The following CFAP97D2 variants were observed in gnomAD, a reference collection of about 807,000 sequenced individuals.
The protein encoded by CFAP97D2 is uncharacterized protein CFAP97D2.
rs1026211504 is a variant in CFAP97D2, at chr13:114,207,601, G to A, written c.291-4311G>A. On this transcript the variant is annotated intron_variant, in intron 3 of 4. Transcript: ENST00000646158. This position sits in a 1 kb window ranked among gnomAD's most constrained non-coding sequence, Gnocchi z 4.9. ...AGGTGGAGCTCAGGCAGTAATGCCA[G>A]CAATGGGGAGTGGCTGTGAATACAG... Among the ~76,000 whole-genome samples the A allele has an allele frequency of 6.6e-6, 1 of 152,240 alleles. No homozygotes were observed. The highest frequency in any genetic ancestry group is 2.4e-5 in the African/African-American group (1 of 41,456).
intron 4 of CFAP97D2, among the ~76,000 whole-genome samples, chr13:114,217,067 C>T (rs2080997131): frequency 6.6e-6 from 1 of 152,138 alleles, no homozygotes; most frequent in Non-Finnish European, 1.5e-5. Flanking sequence ...TTTCATGTGT[C>T]TGTTGGCTGC....
At chr13:114,190,541 T>C (rs1207733365) in intron 1 of CFAP97D2, among the ~76,000 whole-genome samples, 6 of 152,194 alleles carry the variant, frequency 3.9e-5, no homozygotes. Context: ...ATAACAATTA[T>C]ATTAGCACCC....
intron 3 of CFAP97D2, among the ~76,000 whole-genome samples, chr13:114,202,913 A>G (rs1236829202): frequency 6.6e-6 from 1 of 152,180 alleles, no homozygotes; most frequent in Non-Finnish European, 1.5e-5. Context: ...ACAGTGGAGC[A>G]CAGAGCCTGG....
chr13:114,181,887 C>A (rs940791195), intron 1 of CFAP97D2, among the ~76,000 whole-genome samples: 2 of 150,478 alleles, frequency 1.3e-5, no homozygotes, highest in Admixed American at 6.6e-5. Flanking sequence ...ACGCACCTGA[C>A]CCCTCAGCCA....
intron 4 of CFAP97D2, chr13:114,214,160 T>A (rs1340414083): frequency 3.3e-5 from 5 of 152,368 alleles, no homozygotes; most frequent in African/African-American, 1.2e-4. Context: ...CCCTGCAGTT[T>A]CCACAGGTAT....
chr13:114,216,537 G>A (rs535097507), intron 4 of CFAP97D2, among the ~76,000 whole-genome samples: 17 of 152,104 alleles, frequency 1.1e-4, no homozygotes, highest in Non-Finnish European at 1.8e-4. Context: ...AAGAACATGC[G>A]GTGTTTGGTT....
intron 4 of CFAP97D2, among the ~76,000 whole-genome samples, chr13:114,216,454 C>T (rs559636235): frequency 7.9e-5 from 12 of 152,100 alleles, no homozygotes; most frequent in Admixed American, 1.3e-4. Context: ...CCCCACCCCA[C>T]GACAGGCCCC....
At chr13:114,202,296 C>T (rs1276963702) in intron 3 of CFAP97D2, among the ~76,000 whole-genome samples, 2 of 152,154 alleles carry the variant, frequency 1.3e-5, no homozygotes, top group Non-Finnish European at 2.9e-5. Context: ...AATACCTCTG[C>T]CCAAGACTGA....
At chr13:114,216,168 T>C (rs1226150864) in intron 4 of CFAP97D2, among the ~76,000 whole-genome samples, 2 of 152,142 alleles carry the variant, frequency 1.3e-5, no homozygotes, top group Non-Finnish European at 2.9e-5. Flanking sequence ...CCCACAGGTG[T>C]GCTTCTCCCA....
At position 114,198,519 on chromosome 13, in the gene CFAP97D2, C is replaced by G. The variant is rs187201967; in HGVS notation, c.172-1806C>G. Among the ~76,000 whole-genome samples, 3 of 152,372 alleles carry G rather than the reference C, an allele frequency of 2.0e-5. No homozygotes were observed. In the East Asian group the frequency reaches 5.8e-4, roughly 29 times the overall value. On this transcript the variant is annotated intron_variant, in intron 2 of 4. Coordinates refer to ENST00000646158, the Ensembl canonical transcript of CFAP97D2. ...TCATTAGCACCACCGCCACATGTTACTTTTGGAGGGTCACCTAATTTTACA... is the reference window on the plus strand; with the variant it reads ...TCATTAGCACCACCGCCACATGTTAGTTTTGGAGGGTCACCTAATTTTACA...
chr13:114,190,769 C>T (rs996183427), intron 1 of CFAP97D2, among the ~76,000 whole-genome samples: 2 of 152,198 alleles, frequency 1.3e-5, no homozygotes, highest in African/African-American at 2.4e-5. Flanking sequence ...TTGATATCAG[C>T]AAACTCATTC....
intron 3 of CFAP97D2, among the ~76,000 whole-genome samples, chr13:114,209,388 G>T (rs1005095619): frequency 1.3e-5 from 2 of 152,234 alleles, no homozygotes; most frequent in Non-Finnish European, 2.9e-5. Context: ...GAACAGGTCT[G>T]CCTGGAATAA....
chr13:114,222,591 A>G, downstream of CFAP97D2: 1 of 398,588 alleles, frequency 2.5e-6, no homozygotes, highest in East Asian at 3.6e-5. This position sits in a 1 kb window ranked among gnomAD's most constrained non-coding sequence, Gnocchi z 4.4. Context: ...AAATCCAGAA[A>G]GAAGACAAGT....
In CFAP97D2 at chr13:114,211,958, A is replaced by G. The variant is rs1186178821; in HGVS notation, c.337A>G (p.Lys113Glu). ...ACAGGAACTTCGCAGAGTGCGGAAG[A>G]AAACACGGCCATTCTGGAAGGAATC... Residue 113 changes from lysine (K) to glutamate (E), a missense_variant, in exon 4 of 5, where the codon AAA becomes GAA. Physicochemically the swap from Lys to Glu is moderately conservative, Grantham distance 56 (BLOSUM62 1). Transcript: ENST00000646158. The surrounding 1 kb of genome is among the most constrained non-coding windows in gnomAD (Gnocchi z 4.2). The G allele has an allele frequency of 2.5e-6, 1 of 398,658 alleles. No individual in the cohort carries two copies. 24.7% of individuals were successfully genotyped at this position (398,658 alleles called of 1,614,324 possible). A position where few individuals can be genotyped will look rare whatever the true frequency, so the allele number is the denominator to read the frequency against.
chr13:114,217,441 G>A (rs2080999031), intron 4 of CFAP97D2, among the ~76,000 whole-genome samples: 2 of 152,194 alleles, frequency 1.3e-5, no homozygotes, highest in Admixed American at 1.3e-4. Context: ...AATTCTACCA[G>A]AGGTGCAAGG....
intron 4 of CFAP97D2, among the ~76,000 whole-genome samples, chr13:114,218,322 A>G (rs2138790373): frequency 6.6e-6 from 1 of 152,334 alleles, no homozygotes; most frequent in Admixed American, 6.5e-5. Context: ...CTTACAAGGG[A>G]TGTGAAGGAC....
rs2080969495 is a variant in CFAP97D2, at chr13:114,212,102, G to T, written c.480+1G>T. The T allele has an allele frequency of 2.5e-6, 1 of 398,466 alleles. No individual in the cohort carries two copies. The highest frequency in any genetic ancestry group is 2.1e-5 in the African/African-American group (1 of 48,618). The allele number at this position is 398,466 out of a possible 1,614,324, so 24.7% of individuals were successfully genotyped here. A position where few individuals can be genotyped will look rare whatever the true frequency, so the allele number is the denominator to read the frequency against. On this transcript the variant is annotated splice_donor_variant, in intron 4 of 4. Coordinates refer to ENST00000646158, the Ensembl canonical transcript of CFAP97D2. LOFTEE classifies it high-confidence loss of function. ...GACAGCAGATACGCCTAGCAAAAAG[G>T]TACCCGCACCTTCTTTTTCATCTAA...
At chr13:114,220,047 T>C (rs906081159) in intron 4 of CFAP97D2, among the ~76,000 whole-genome samples, 2 of 152,148 alleles carry the variant, frequency 1.3e-5, no homozygotes, top group Admixed American at 1.3e-4. Context: ...CACACACGTC[T>C]TCTCATTTTA....
chr13:114,219,877 C>G (rs1167565381), intron 4 of CFAP97D2, among the ~76,000 whole-genome samples: 1 of 152,034 alleles, frequency 6.6e-6, no homozygotes, highest in Non-Finnish European at 1.5e-5. Flanking sequence ...AGGAAGGAGG[C>G]GATGGGCCCA....
Sources: allele counts gnomAD v4.1 joint callset (sites outside exome capture counted in the v4.1 genomes callset), GRCh38; gene constraint gnomAD v4.1.1; non-coding constraint Gnocchi (gnomAD v3.1); transcripts MANE v1.5; gene names NCBI Gene and HGNC (gene_info 2026-07-23, HGNC 2026-07-21).